MTSS1: variants seen among roughly 807,000 people sequenced by gnomAD.
The protein encoded by MTSS1 is protein MTSS 1.
A neutral mutation model predicts 79.0 loss-of-function variants in MTSS1; 18 were observed. The observed-to-expected ratio is 0.23, with a 90% CI of 0.16 to 0.34. The LOEUF is 0.34. Among genes scored for constraint, MTSS1 ranks in the 10% least tolerant of loss-of-function variants. The pLI is 1.00. For missense variants in MTSS1, 815 were observed against 986.2 expected, an observed-to-expected ratio of 0.83 and a Z score of 2.33; for synonymous variants, 341 against 368.6, an observed-to-expected ratio of 0.93 and a Z score of 0.86.
chr8:124,617,544 G>C (rs1317571341), intron 3 of MTSS1, among the ~76,000 whole-genome samples: 4 of 152,184 alleles, frequency 2.6e-5, no homozygotes, highest in Non-Finnish European at 4.4e-5. Context: ...AGATTTTCAA[G>C]AGAATAATTT....
intron 1 of MTSS1, among the ~76,000 whole-genome samples, chr8:124,712,919 A>T (rs1029321712): frequency 5.3e-5 from 8 of 152,132 alleles, no homozygotes; most frequent in Non-Finnish European, 8.8e-5. Context: ...CTCCTCCCGC[A>T]TTACTAGGTT....
intron 3 of MTSS1, among the ~76,000 whole-genome samples, chr8:124,633,846 G>A (rs932627664): frequency 1.7e-4 from 25 of 151,372 alleles, no homozygotes; most frequent in Admixed American, 4.6e-4. Context: ...TCCTAGTACC[G>A]CCTAAATTTC....
chr8:124,695,184 C>G (rs890082638), intron 3 of MTSS1, among the ~76,000 whole-genome samples: 1 of 152,120 alleles, frequency 6.6e-6, no homozygotes, highest in African/African-American at 2.4e-5. Flanking sequence ...GGACAAAGAC[C>G]ACTCAGAGCT....
chr8:124,665,555 A>T (rs573927703), intron 3 of MTSS1, among the ~76,000 whole-genome samples: 1 of 151,920 alleles, frequency 6.6e-6, no homozygotes, highest in African/African-American at 2.4e-5. Context: ...GATCTCAGAC[A>T]GCCTAGCTAT....
intron 10 of MTSS1, among the ~76,000 whole-genome samples, chr8:124,561,503 C>T (rs573600665): frequency 1.3e-5 from 2 of 152,266 alleles, no homozygotes; most frequent in East Asian, 1.9e-4. Flanking sequence ...TTAAGTAAAC[C>T]CAATATGCCC....
chr8:124,604,269 G>T (rs1834424282), intron 3 of MTSS1, among the ~76,000 whole-genome samples: 1 of 152,020 alleles, frequency 6.6e-6, no homozygotes, highest in Non-Finnish European at 1.5e-5. Context: ...CAAGAAAGTT[G>T]ATGAATTTGT....
In MTSS1 at chr8:124,555,843, A is replaced by C. The variant is rs766774923; in HGVS notation, c.1466T>G (p.Leu489Arg). ...GTCCCGGCTGCTCCTCTGGGTGTCC[A>C]GCTGCAGGCCCCGAGACAGGGCCAG... ...LALALSRGLQLDTQRSSRDSL... is the reference protein window; with the variant it reads ...LALALSRGLQRDTQRSSRDSL... Residue 489 changes from leucine to arginine, a missense_variant, in exon 13 of 14, where the codon CTG becomes CGG. Physicochemically the swap from Leu to Arg is moderately radical, Grantham distance 102. Around this residue, in one of 2 missense-constraint regions of MTSS1, gnomAD observed 590 missense variants for 620.8 expected, o/e 0.95. Coordinates refer to ENST00000518547, the MANE Select transcript of MTSS1 (RefSeq NM_014751.6). The C allele has an allele frequency of 1.2e-6, 2 of 1,613,198 alleles. No homozygotes were observed. Among genetic ancestry groups the C allele is most frequent in the African/African-American group, 2.7e-5 (2 of 74,934 alleles).
Position 124,553,240 on chromosome 8 carries a change from G to C in MTSS1, c.2020C>G (p.Pro674Ala). The change falls in exon 14 of 14, where the codon CCA becomes GCA. Residue 674 changes from proline to alanine, a missense_variant. Around this residue, in one of 2 missense-constraint regions of MTSS1, gnomAD observed 590 missense variants for 620.8 expected, o/e 0.95. Transcript: ENST00000518547. This position sits in a 1 kb window ranked among gnomAD's most constrained non-coding sequence, Gnocchi z 6.0. ...ATACTGGGCTTCGGGCCTGGAAGTG[G>C]AGGGTTAACGGAAGCTTGGCCGCTC... ...MWSGQASVNP[P>A]LPGPKPSIPE... is the part of the protein sequence containing the mutation. The C allele has an allele frequency of 6.2e-7, 1 of 1,614,184 alleles. No homozygotes were observed. The highest frequency in any genetic ancestry group is 1.1e-5 in the South Asian group (1 of 91,084).
At chr8:124,716,080 G>GGA (rs1422400149) in intron 1 of MTSS1, among the ~76,000 whole-genome samples, 1 of 152,174 alleles carries the variant, frequency 6.6e-6, no homozygotes. Flanking sequence ...CTGAGTGAGG[G>GGA]GTGGGCCATA....
chr8:124,709,792 C>T (rs1329627047), intron 1 of MTSS1, among the ~76,000 whole-genome samples: 1 of 152,192 alleles, frequency 6.6e-6, no homozygotes, highest in Non-Finnish European at 1.5e-5. Context: ...CACACCACAC[C>T]CTGTGGCTGC....
intron 3 of MTSS1, among the ~76,000 whole-genome samples, chr8:124,693,128 G>T (rs1354875263): frequency 6.6e-6 from 1 of 152,094 alleles, no homozygotes; most frequent in Non-Finnish European, 1.5e-5. Context: ...TGAAGAAGGG[G>T]AGGGCTGGAA....
At chr8:124,595,550 A>G (rs149584747) in intron 3 of MTSS1, among the ~76,000 whole-genome samples, 119 of 152,164 alleles carry the variant, frequency 7.8e-4, no homozygotes, top group Non-Finnish European at 1.5e-3. Flanking sequence ...CTGTCCTTAC[A>G]TCTTCTCTCT....
intron 10 of MTSS1, among the ~76,000 whole-genome samples, chr8:124,561,949 G>A (rs1825424148): frequency 6.6e-6 from 1 of 152,248 alleles, no homozygotes. Flanking sequence ...GCTGAAAAAT[G>A]CTAATGGGAG....
chr8:124,723,669 T>C (rs1024021359), intron 1 of MTSS1, among the ~76,000 whole-genome samples: 2 of 152,240 alleles, frequency 1.3e-5, no homozygotes, highest in African/African-American at 4.8e-5. Context: ...GTCGATTTTA[T>C]GACATCTTTA....
intron 3 of MTSS1, among the ~76,000 whole-genome samples, chr8:124,643,464 G>A (rs761393326): frequency 5.9e-5 from 9 of 152,044 alleles, no homozygotes; most frequent in Non-Finnish European, 8.8e-5. Flanking sequence ...TTGGGAGGCC[G>A]AGGCAGGCAG....
intron 3 of MTSS1, among the ~76,000 whole-genome samples, chr8:124,680,490 C>A (rs1825954920): frequency 6.6e-6 from 1 of 152,162 alleles, no homozygotes; most frequent in East Asian, 1.9e-4. Flanking sequence ...GGGCATTACC[C>A]CAAGGAAAAG....
chr8:124,556,825 C>T (rs892955185), intron 11 of MTSS1, among the ~76,000 whole-genome samples: 4 of 152,246 alleles, frequency 2.6e-5, no homozygotes, highest in Non-Finnish European at 4.4e-5. Context: ...AAAGCAACAT[C>T]AGCCCTTCTC....
Position 124,660,485 on chromosome 8 carries a change from A to G in MTSS1, c.208+39041T>C, listed in dbSNP as rs866211494. 2.5e-4 allele frequency among the ~76,000 whole-genome samples: 37 copies of G among 149,528 alleles called. 1 individual carries two copies. The highest frequency in any genetic ancestry group is 3.3e-4 in the Admixed American group (5 of 14,938). On this transcript the variant is annotated intron_variant, in intron 3 of 13. Coordinates refer to ENST00000518547, the MANE Select transcript of MTSS1 (RefSeq NM_014751.6). ...ACACACACACACACCCTCAAGCTGAAGGGTGGAGGCAAGATCAAGGGGATA... is the reference window on the plus strand; with the variant it reads ...ACACACACACACACCCTCAAGCTGAGGGGTGGAGGCAAGATCAAGGGGATA...
chr8:124,570,026 T>C (rs1827403534), intron 6 of MTSS1, among the ~76,000 whole-genome samples: 1 of 152,094 alleles, frequency 6.6e-6, no homozygotes, highest in Admixed American at 6.5e-5. Flanking sequence ...TCAGGGAAAA[T>C]TGCCTTGGAT....
Sources: allele counts gnomAD v4.1 joint callset (sites outside exome capture counted in the v4.1 genomes callset), GRCh38; gene constraint gnomAD v4.1.1; regional missense constraint gnomAD v4.1.1; non-coding constraint Gnocchi (gnomAD v3.1); transcripts MANE v1.5; gene names NCBI Gene and HGNC (gene_info 2026-07-23, HGNC 2026-07-21).